Variants in RGS5 observed in about 807,000 individuals in gnomAD.
RGS5 encodes the protein regulator of G-protein signalling 5.
A neutral mutation model predicts 18.9 loss-of-function variants in RGS5; 20 were observed. The observed-to-expected ratio is 1.06, with a 90% confidence interval of 0.74 to 1.54. The LOEUF (loss-of-function observed/expected upper bound fraction) is 1.54, where lower values mean the gene tolerates loss of function less well. RGS5 is among the 40% of genes most tolerant of loss of function. RGS5 has a pLI of 0.00. For synonymous variants in RGS5, 57 were observed against 76.2 expected (o/e 0.75, Z 1.31); for missense variants, 201 against 211.8 (o/e 0.95, Z 0.32).
At chr1:163,261,140 A>C (rs1190097655) in intron 2 of RGS5, among the ~76,000 whole-genome samples, 1 of 152,198 alleles carries the variant, frequency 6.6e-6, no homozygotes, top group Non-Finnish European at 1.5e-5. Context: ...GGATGGTACA[A>C]ACGTTGTGTG....
intron 3 of RGS5, among the ~76,000 whole-genome samples, chr1:163,157,796 T>C (rs957570058): frequency 9.2e-5 from 14 of 152,300 alleles, no homozygotes; most frequent in Admixed American, 2.0e-4. Context: ...GGTACTATGC[T>C]GGGCTCAAGC....
chr1:163,199,394 C>T (rs1659690494), intron 1 of RGS5, among the ~76,000 whole-genome samples: 1 of 151,982 alleles, frequency 6.6e-6, no homozygotes. Context: ...TGAAAGCTTC[C>T]CTGGACATTC....
intron 2 of RGS5, chr1:163,248,162 T>C (rs773605995): frequency 1.3e-5 from 2 of 152,178 alleles, no homozygotes; most frequent in South Asian, 2.1e-4. Context: ...TTATTAGATC[T>C]GGTAAAGCCA....
In RGS5 at chr1:163,245,585, A is replaced by T. The variant is rs1647906770; in HGVS notation, c.-281+60648T>A. Among the ~76,000 whole-genome samples the T allele has an allele frequency of 2.6e-5, 4 of 152,196 alleles. No individual in the cohort carries two copies. The South Asian group carries it at 6.2e-4, about 24-fold the overall frequency. On this transcript the variant is annotated intron_variant, in intron 2 of 5. Transcript: ENST00000618415. ...ATCATCTGAAATGCCTGGCATAGTG[A>T]TTATTTTATCACAGTTGAGAATGCA...
chr1:163,293,316 G>A (rs941778644), intron 2 of RGS5, among the ~76,000 whole-genome samples: 2 of 152,124 alleles, frequency 1.3e-5, no homozygotes. Context: ...GAAGTCCTCA[G>A]GAAACTTACA....
At chr1:163,194,801 C>T (rs943310398) in intron 1 of RGS5, among the ~76,000 whole-genome samples, 10 of 151,990 alleles carry the variant, frequency 6.6e-5, no homozygotes, top group Admixed American at 2.6e-4. Flanking sequence ...CGATTCTTAC[C>T]GGATATTCAA....
chr1:163,250,947 G>A (rs1360749072), intron 2 of RGS5, among the ~76,000 whole-genome samples: 1 of 152,178 alleles, frequency 6.6e-6, no homozygotes, highest in Non-Finnish European at 1.5e-5. Context: ...TTGGGTTTTG[G>A]AGGATTTTAG....
intron 1 of RGS5, among the ~76,000 whole-genome samples, chr1:163,306,753 C>G (rs1360244487): frequency 1.3e-5 from 2 of 152,106 alleles, no homozygotes; most frequent in Admixed American, 6.5e-5. Context: ...AAAATACACA[C>G]AAGAATGCCA....
intron 2 of RGS5, among the ~76,000 whole-genome samples, chr1:163,303,739 AG>A (rs1409704008): frequency 6.6e-6 from 1 of 152,188 alleles, no homozygotes; most frequent in Non-Finnish European, 1.5e-5. Context: ...GCACGAAGTG[AG>A]TGGCGGTGAG....
chr1:163,268,952 T>C (rs1170042689), intron 2 of RGS5, among the ~76,000 whole-genome samples: 1 of 152,148 alleles, frequency 6.6e-6, no homozygotes, highest in African/African-American at 2.4e-5. Context: ...TCAAATGGGT[T>C]AGTTGTAAAA....
intron 2 of RGS5, among the ~76,000 whole-genome samples, chr1:163,295,069 G>C (rs962536491): frequency 1.3e-5 from 2 of 152,162 alleles, no homozygotes; most frequent in Non-Finnish European, 2.9e-5. Context: ...GATTCAACAA[G>C]TCTTTAGGAA....
At chr1:163,198,877 C>T (rs898141185) in intron 1 of RGS5, among the ~76,000 whole-genome samples, 1 of 151,966 alleles carries the variant, frequency 6.6e-6, no homozygotes, top group African/African-American at 2.4e-5. Context: ...CCTGTGTTGC[C>T]CAGGCTGCCC....
At chr1:163,162,481 C>T (rs191326841) in intron 2 of RGS5, among the ~76,000 whole-genome samples, 96 of 152,158 alleles carry the variant, frequency 6.3e-4, no homozygotes, top group Admixed American at 9.2e-4. Context: ...GTGTATAATG[C>T]TTTCCTTATG....
At chr1:163,292,664 A>G (rs186786700) in intron 2 of RGS5, among the ~76,000 whole-genome samples, 32 of 152,300 alleles carry the variant, frequency 2.1e-4, no homozygotes, top group Non-Finnish European at 2.9e-5. Flanking sequence ...TTTTCTCCAC[A>G]ACCTCACCAA....
intron 2 of RGS5, among the ~76,000 whole-genome samples, chr1:163,265,752 C>CT (rs1399627268): frequency 6.6e-6 from 1 of 152,102 alleles, no homozygotes; most frequent in African/African-American, 2.4e-5. Context: ...TATCCTCACT[C>CT]TTTCTCTAAA....
intron 2 of RGS5, among the ~76,000 whole-genome samples, chr1:163,276,604 A>G (rs918387731): frequency 2.0e-5 from 3 of 152,178 alleles, no homozygotes; most frequent in Non-Finnish European, 4.4e-5. Context: ...TTACTTAAAC[A>G]TTTTTAAAGG....
intron 1 of RGS5, among the ~76,000 whole-genome samples, chr1:163,320,130 T>A (rs1462858827): frequency 6.6e-6 from 1 of 152,234 alleles, no homozygotes; most frequent in African/African-American, 2.4e-5. Context: ...CATTTTTCTC[T>A]TTCTCCATGG....
chr1:163,262,892 A>T (rs1174841238), intron 2 of RGS5, among the ~76,000 whole-genome samples: 1 of 152,072 alleles, frequency 6.6e-6, no homozygotes, highest in African/African-American at 2.4e-5. Flanking sequence ...GACCCTAGGG[A>T]TCTCCATGGG....
upstream of RGS5, among the ~76,000 whole-genome samples, chr1:163,203,872 G>A (rs1396315287): frequency 1.4e-5 from 2 of 144,544 alleles, no homozygotes; most frequent in Non-Finnish European, 3.0e-5. Flanking sequence ...GTCTTATCTT[G>A]TCGGGGCCCA....
Sources: gnomAD v4.1 joint callset for allele counts (sites outside exome capture counted in the v4.1 genomes callset) on GRCh38, gnomAD v4.1.1 for gene constraint, MANE v1.5 for transcripts, NCBI Gene and HGNC (gene_info 2026-07-23, HGNC 2026-07-21) for gene names.